Variants in SLC35F3 observed in about 807,000 individuals in gnomAD.
SLC35F3 encodes the protein putative thiamine transporter SLC35F3.
A neutral mutation model predicts 49.9 loss-of-function variants in SLC35F3; 25 were observed. The ratio of observed to expected loss-of-function variants is 0.50; its 90% CI spans 0.37 to 0.70. SLC35F3 has a LOEUF of 0.70. Among genes scored for constraint, SLC35F3 ranks in the 30% least tolerant of loss-of-function variants. The pLI, the probability that SLC35F3 is intolerant of heterozygous loss-of-function variation, is 0.00. For synonymous variants in SLC35F3, 275 were observed against 265.4 expected, an observed-to-expected ratio of 1.04 and a Z score of -0.35; for missense variants, 525 against 639.8, an observed-to-expected ratio of 0.82 and a Z score of 1.94.
chr1:234,090,975 T>C (rs1030261438), intron 2 of SLC35F3, among the ~76,000 whole-genome samples: 20 of 152,142 alleles, frequency 1.3e-4, no homozygotes, highest in African/African-American at 4.8e-4. Context: ...TCTTCAAGGG[T>C]TCCTGACACA....
chr1:234,224,164 G>A (rs650866), intron 2 of SLC35F3, among the ~76,000 whole-genome samples: 73,468 of 152,002 alleles, frequency 0.48, 22,201 homozygotes, highest in African/African-American at 0.83. Flanking sequence ...TTCTGGGCTC[G>A]GGCAATCCTG....
intron 2 of SLC35F3, among the ~76,000 whole-genome samples, chr1:234,146,541 G>A (rs1572069243): frequency 7.6e-6 from 1 of 131,402 alleles, no homozygotes. Context: ...GCCCAGGCTG[G>A]AATGCAATGG....
intron 3 of SLC35F3, among the ~76,000 whole-genome samples, chr1:234,252,710 G>A (rs1667756861): frequency 1.3e-5 from 2 of 152,144 alleles, no homozygotes; most frequent in Non-Finnish European, 2.9e-5. Flanking sequence ...AAGGAGACTT[G>A]ATAATATGCC....
rs1435413682 is a variant in SLC35F3, at chr1:234,215,776, C to A, written c.284-15641C>A. On this transcript the variant is annotated intron_variant, in intron 2 of 7. Coordinates refer to ENST00000366618, the MANE Select transcript of SLC35F3 (RefSeq NM_173508.4). ...TTAGCTGTCCACACAGGCCTGCCTGCAGCTGCCCTAGTACTGTGATCCCCA... is the reference window on the plus strand; with the variant it reads ...TTAGCTGTCCACACAGGCCTGCCTGAAGCTGCCCTAGTACTGTGATCCCCA... 3.3e-5 allele frequency among the ~76,000 whole-genome samples: 5 copies of A among 152,330 alleles called. No individual in the cohort carries two copies. The East Asian group carries it at 7.7e-4, about 24-fold the overall frequency.
chr1:234,102,325 T>C (rs1240215641), intron 2 of SLC35F3, among the ~76,000 whole-genome samples: 1 of 151,918 alleles, frequency 6.6e-6, no homozygotes, highest in Non-Finnish European at 1.5e-5. Context: ...TTTGGAATGG[T>C]TTTTTGGGGA....
chr1:234,215,620 C>G (rs971188826), intron 2 of SLC35F3, among the ~76,000 whole-genome samples: 1 of 152,242 alleles, frequency 6.6e-6, no homozygotes, highest in Non-Finnish European at 1.5e-5. Flanking sequence ...TTCTGCCCTT[C>G]CCAGGAAGCC....
intron 2 of SLC35F3, among the ~76,000 whole-genome samples, chr1:234,035,014 T>C (rs768739607): frequency 1.3e-5 from 2 of 152,222 alleles, no homozygotes; most frequent in Non-Finnish European, 2.9e-5. Context: ...AAATTTGTCT[T>C]CGTAGGTAAA....
chr1:233,990,391 G>A (rs1663333831), intron 2 of SLC35F3, among the ~76,000 whole-genome samples: 1 of 152,162 alleles, frequency 6.6e-6, no homozygotes, highest in Admixed American at 6.5e-5. Flanking sequence ...TATTAGCAAT[G>A]TGAACATGGG....
intron 2 of SLC35F3, among the ~76,000 whole-genome samples, chr1:234,065,138 C>A (rs573664873): frequency 6.6e-6 from 1 of 151,488 alleles, no homozygotes. Context: ...GATGTGAGAT[C>A]TACTGATCAA....
At chr1:234,157,317 G>A (rs1259027373) in intron 2 of SLC35F3, among the ~76,000 whole-genome samples, 1 of 151,790 alleles carries the variant, frequency 6.6e-6, no homozygotes, top group Admixed American at 6.6e-5. Context: ...GACTTTCCAC[G>A]CAGCAGTCGG....
chr1:234,017,149 A>G (rs988500389), intron 2 of SLC35F3, among the ~76,000 whole-genome samples: 1 of 152,196 alleles, frequency 6.6e-6, no homozygotes, highest in Non-Finnish European at 1.5e-5. Flanking sequence ...CAAAGTTACC[A>G]TGAAGAGCGA....
rs117264660 is a variant in SLC35F3 at position 234,185,340 on chromosome 1, A to G, written c.284-46077A>G. Among the ~76,000 whole-genome samples, 132 of 152,350 alleles carry G rather than the reference A, an allele frequency of 8.7e-4. 1 individual carries two copies. In the East Asian group the frequency reaches 0.02, roughly 23 times the overall value. ...GAATATCCAAATGTGTCTGAAGCCA[A>G]TCGCATTGCTCAGCTCTTTGCTGGA... On this transcript the variant is annotated intron_variant, in intron 2 of 7. Coordinates refer to ENST00000366618, the MANE Select transcript of SLC35F3 (RefSeq NM_173508.4).
chr1:234,044,320 G>C (rs2102854590), intron 2 of SLC35F3, among the ~76,000 whole-genome samples: 1 of 152,258 alleles, frequency 6.6e-6, no homozygotes, highest in African/African-American at 2.4e-5. Context: ...AAATTACCCA[G>C]CCTCAGGGAT....
chr1:234,301,624 A>G (rs752095066), intron 3 of SLC35F3, among the ~76,000 whole-genome samples: 7 of 152,240 alleles, frequency 4.6e-5, no homozygotes, highest in Non-Finnish European at 8.8e-5. Flanking sequence ...TGTGGAATAC[A>G]GTGCAGTAAT....
intron 3 of SLC35F3, among the ~76,000 whole-genome samples, chr1:234,294,051 G>A (rs1425364939): frequency 6.6e-6 from 1 of 152,182 alleles, no homozygotes; most frequent in African/African-American, 2.4e-5. Flanking sequence ...GAGAGCCCTT[G>A]GGATAATTCC....
At chr1:234,165,038 TTGTGTGTGTGTG>T (rs58676109) in intron 2 of SLC35F3, among the ~76,000 whole-genome samples, 3,593 of 137,850 alleles carry the variant, frequency 0.026, 57 homozygotes, top group Middle Eastern at 0.05. Context: ...TAGCTTCAAT[TTGTGTGTGTGTG>T]TGTGTGTGTG....
At chr1:234,264,789 G>C (rs1471727163) in intron 3 of SLC35F3, among the ~76,000 whole-genome samples, 1 of 152,126 alleles carries the variant, frequency 6.6e-6, no homozygotes, top group African/African-American at 2.4e-5. Context: ...CTGGGCTCAA[G>C]TGATCCTCCC....
At chr1:234,049,436 A>G (rs1227479598) in intron 2 of SLC35F3, among the ~76,000 whole-genome samples, 1 of 152,018 alleles carries the variant, frequency 6.6e-6, no homozygotes, top group Non-Finnish European at 1.5e-5. Flanking sequence ...ATTTAAGGAC[A>G]CAACAAGAAG....
chr1:234,059,616 CTAGACATAGACA>C (rs55704046), intron 2 of SLC35F3, among the ~76,000 whole-genome samples: 44,842 of 134,692 alleles, frequency 0.33, 7,607 homozygotes, highest in Non-Finnish European at 0.4. Context: ...TAGACATAGA[CTAGACATAGACA>C]TAGACATAGA....
Sources: allele counts gnomAD v4.1 joint callset (sites outside exome capture counted in the v4.1 genomes callset), GRCh38; gene constraint gnomAD v4.1.1; transcripts MANE v1.5; gene names NCBI Gene and HGNC (gene_info 2026-07-23, HGNC 2026-07-21).